The following GALNT13 variants were observed in gnomAD, a reference collection of about 807,000 sequenced individuals.
GALNT13 encodes the protein polypeptide N-acetylgalactosaminyltransferase 13.
GALNT13 carries 28 observed loss-of-function variants against 64.2 expected under a neutral mutation model. The ratio of observed to expected loss-of-function variants is 0.44; its 90% CI spans 0.32 to 0.60. The LOEUF is 0.60. GALNT13 is among the 20% of genes least tolerant of loss of function. The pLI, the probability that GALNT13 is intolerant of heterozygous loss-of-function variation, is 0.05. For synonymous variants in GALNT13, 214 were observed against 224.6 expected (o/e 0.95, Z 0.42); for missense variants, 577 against 669.8 (o/e 0.86, Z 1.53).
chr2:153,179,553 G>A, the GALNT13 span, among the ~76,000 whole-genome samples: 1 of 152,124 alleles, frequency 6.6e-6, no homozygotes, highest in Non-Finnish European at 1.5e-5. Flanking sequence ...GCTTTCATAT[G>A]AATTTTAGGT....
At chr2:154,392,205 A>G (rs1273762377) in intron 9 of GALNT13, among the ~76,000 whole-genome samples, 1 of 152,192 alleles carries the variant, frequency 6.6e-6, no homozygotes, top group Non-Finnish European at 1.5e-5. Context: ...GACAACCAGT[A>G]TTTACAGGGA....
chr2:153,376,885 A>G, the GALNT13 span, among the ~76,000 whole-genome samples: 4 of 152,180 alleles, frequency 2.6e-5, no homozygotes, highest in African/African-American at 9.7e-5. Flanking sequence ...CTGCTGTAGC[A>G]ATTGACAAAG....
At chr2:153,353,045 A>G in the GALNT13 span, among the ~76,000 whole-genome samples, 1 of 152,112 alleles carries the variant, frequency 6.6e-6, no homozygotes, top group African/African-American at 2.4e-5. Flanking sequence ...ACTTAGGAAG[A>G]ACTGACATCT....
intron 9 of GALNT13, among the ~76,000 whole-genome samples, chr2:154,383,860 A>G (rs1698388197): frequency 6.6e-6 from 1 of 151,358 alleles, no homozygotes; most frequent in Non-Finnish European, 1.5e-5. Context: ...ATTCTAAGAC[A>G]TAAAAGCAAA....
chr2:154,394,003 G>T (rs982716101), intron 9 of GALNT13, among the ~76,000 whole-genome samples: 1 of 144,528 alleles, frequency 6.9e-6, no homozygotes, highest in East Asian at 2.0e-4. Flanking sequence ...GCGTGAACCC[G>T]GGAGGCGGAG....
intron 3 of GALNT13, among the ~76,000 whole-genome samples, chr2:153,974,092 C>T (rs907251204): frequency 1.3e-5 from 2 of 152,006 alleles, no homozygotes; most frequent in Non-Finnish European, 2.9e-5. Flanking sequence ...TGTTCTTCCC[C>T]TACCAATCTT....
chr2:154,242,229 TTTTTG>T (rs761291056), intron 5 of GALNT13, 33 bp downstream of exon 5: 17 of 1,594,192 alleles, frequency 1.1e-5, no homozygotes, highest in Middle Eastern at 1.7e-4. Context: ...TGTTTTTGTT[TTTTTG>T]TTTTGTTTTG....
the GALNT13 span, among the ~76,000 whole-genome samples, chr2:153,189,998 T>G: frequency 6.6e-6 from 1 of 152,150 alleles, no homozygotes; most frequent in East Asian, 1.9e-4. Context: ...TATTAGTCTC[T>G]TTTTGAATGA....
chr2:153,870,112 C>T (rs1685830424), upstream of GALNT13, among the ~76,000 whole-genome samples: 1 of 151,694 alleles, frequency 6.6e-6, no homozygotes, highest in South Asian at 2.1e-4. Context: ...AGAAACCAAC[C>T]TGACAACCCA....
At chr2:153,086,109 T>C in the GALNT13 span, among the ~76,000 whole-genome samples, 1 of 152,236 alleles carries the variant, frequency 6.6e-6, no homozygotes, top group East Asian at 1.9e-4. Context: ...ATTTCTCCTA[T>C]TTGGAAGAGG....
In GALNT13 at chr2:154,187,051, T is replaced by G. The variant is rs576129291; in HGVS notation, c.311+46546T>G. On this transcript the variant is annotated intron_variant, in intron 4 of 12. Transcript: ENST00000392825. ...AAAGTAGTCTTACAACTTTTCTAGT[T>G]TTATCCCTCTTACAGACTCAGTCTG... Among the ~76,000 whole-genome samples the G allele has an allele frequency of 3.9e-5, 6 of 152,128 alleles. No homozygotes were observed. In the South Asian group the frequency reaches 1.0e-3, roughly 26 times the overall value.
At chr2:153,606,931 A>G in the GALNT13 span, among the ~76,000 whole-genome samples, 1 of 151,054 alleles carries the variant, frequency 6.6e-6, no homozygotes, top group Non-Finnish European at 1.5e-5. Context: ...CTCCCTATCA[A>G]TCACTTCCAT....
chr2:153,543,715 C>T, the GALNT13 span, among the ~76,000 whole-genome samples: 6 of 151,996 alleles, frequency 3.9e-5, no homozygotes, highest in African/African-American at 1.4e-4. Context: ...CAAAACAGTA[C>T]AAGAAACCGT....
At chr2:154,439,474 CATT>C (rs1421676286) in intron 12 of GALNT13, among the ~76,000 whole-genome samples, 1 of 152,044 alleles carries the variant, frequency 6.6e-6, no homozygotes, top group Non-Finnish European at 1.5e-5. Context: ...ACATTTCCCA[CATT>C]ATTAAGTGGT....
chr2:153,578,927 T>G, the GALNT13 span, among the ~76,000 whole-genome samples: 2 of 152,238 alleles, frequency 1.3e-5, no homozygotes, highest in East Asian at 1.9e-4. Context: ...TAAGCACTTA[T>G]GTAATCATGG....
chr2:154,364,749 G>T (rs1041106253), intron 9 of GALNT13, among the ~76,000 whole-genome samples: 1 of 152,048 alleles, frequency 6.6e-6, no homozygotes, highest in Non-Finnish European at 1.5e-5. Context: ...TTGGCTCACC[G>T]CAACTCCACC....
the GALNT13 span, among the ~76,000 whole-genome samples, chr2:153,755,057 C>T: frequency 6.6e-6 from 1 of 152,158 alleles, no homozygotes; most frequent in Non-Finnish European, 1.5e-5. Flanking sequence ...ACTGCTGCTG[C>T]CAGAGAATGA....
intron 4 of GALNT13, among the ~76,000 whole-genome samples, chr2:154,167,300 A>G (rs1380305853): frequency 2.6e-5 from 4 of 152,086 alleles, no homozygotes; most frequent in Admixed American, 2.0e-4. Flanking sequence ...CACAGAAAAC[A>G]CCTTGTATAT....
At chr2:154,035,485 A>G (rs1316579225) in intron 3 of GALNT13, among the ~76,000 whole-genome samples, 1 of 152,110 alleles carries the variant, frequency 6.6e-6, no homozygotes, top group African/African-American at 2.4e-5. Context: ...GGGAGTATAT[A>G]GCAAATGTCT....
Sources: allele counts gnomAD v4.1 joint callset (sites outside exome capture counted in the v4.1 genomes callset), GRCh38; gene constraint gnomAD v4.1.1; transcripts MANE v1.5; gene names NCBI Gene and HGNC (gene_info 2026-07-23, HGNC 2026-07-21).